The following MLIP variants were observed in gnomAD, a reference collection of about 807,000 sequenced individuals.
MLIP encodes the protein muscular LMNA interacting protein.
In MLIP, 79 loss-of-function variants were observed where a neutral mutation model predicts 84.8. The observed-to-expected ratio is 0.93, with a 90% CI of 0.78 to 1.12. MLIP has a LOEUF of 1.12. Among genes scored for constraint, MLIP ranks in the 50% most tolerant of loss-of-function variants. The probability of loss-of-function intolerance (pLI) is 0.00; values close to 1 mark genes in which losing one functional copy is unlikely to be tolerated. For missense variants in MLIP, 1,257 were observed against 1,160.6 expected (o/e 1.08, Z -1.21); for synonymous variants, 504 against 463.0 (o/e 1.09, Z -1.14).
intron 1 of MLIP, among the ~76,000 whole-genome samples, chr6:54,114,206 T>C (rs1024990216): frequency 6.6e-6 from 1 of 152,226 alleles, no homozygotes; most frequent in Non-Finnish European, 1.5e-5. Flanking sequence ...TATTTTTCTA[T>C]TTGTGTTTAC....
chr6:54,138,186 T>C lies in MLIP; in HGVS notation c.2117T>C (p.Val706Ala). 2 of 1,536,134 alleles carry C rather than the reference T, an allele frequency of 1.3e-6. No individual in the cohort carries two copies. Among genetic ancestry groups the C allele is most frequent in the Non-Finnish European group, 1.7e-6 (2 of 1,146,894 alleles). ...ACCACCCCCAACCACAGGTCACCTG[T>C]TTCAACCCCATCACTTCCCATATCT... The part of the protein sequence containing the change: ...ESTTPNHRSP[V>A]STPSLPISLT... Residue 706 changes from valine to alanine, a missense_variant, in exon 4 of 14, where the codon GTT becomes GCT. Coordinates refer to ENST00000502396, the MANE Select transcript of MLIP (RefSeq NM_001281747.2).
chr6:54,083,691 G>A (rs2150360855), intron 1 of MLIP: 6 of 1,460,820 alleles, frequency 4.1e-6, no homozygotes, highest in Non-Finnish European at 5.6e-6. Flanking sequence ...AATGATAGCT[G>A]TGTACTGTCT....
chr6:54,190,796 C>CT (rs1234496431), intron 10 of MLIP, among the ~76,000 whole-genome samples: 2,210 of 133,654 alleles, frequency 0.017, 49 homozygotes, highest in African/African-American at 0.046. Flanking sequence ...CAAAGATTTT[C>CT]TTTTTTTTTT....
In MLIP at chr6:54,136,845, T is replaced by G. The variant is rs1277745275; in HGVS notation, c.776T>G (p.Phe259Cys). Reference protein sequence around the residue: ...NLEGASVLEEFHTRRLDVGGA... With the variant: ...NLEGASVLEECHTRRLDVGGA... ...GAGGGAGCCTCTGTCCTAGAGGAGT[T>G]CCACACTAGGAGGCTGGATGTCGGT... The change falls in exon 4 of 14, where the codon TTC (phenylalanine) becomes TGC (cysteine). Residue 259 changes from phenylalanine (F) to cysteine (C), a missense_variant. Phe to Cys is a radical substitution (Grantham distance 205, BLOSUM62 -2). Transcript: ENST00000502396. 5 of 1,534,876 alleles carry G rather than the reference T, an allele frequency of 3.3e-6. No individual in the cohort carries two copies. The highest frequency in any genetic ancestry group is 3.5e-6 in the Non-Finnish European group (4 of 1,145,970).
At chr6:54,086,348 G>A (rs1297394474) in intron 1 of MLIP, among the ~76,000 whole-genome samples, 8 of 152,062 alleles carry the variant, frequency 5.3e-5, no homozygotes, top group African/African-American at 1.9e-4. Flanking sequence ...GTCCACAATT[G>A]AACAGTGGTT....
intron 2 of MLIP, 150 bp downstream of exon 2, chr6:54,121,752 T>C (rs1467823304): frequency 6.1e-6 from 4 of 655,690 alleles, no homozygotes; most frequent in Non-Finnish European, 1.0e-5. Context: ...AACAGAAGCA[T>C]AAATGTTATC....
intron 1 of MLIP, among the ~76,000 whole-genome samples, chr6:54,081,530 C>T (rs978697450): frequency 5.3e-5 from 8 of 152,142 alleles, no homozygotes; most frequent in Non-Finnish European, 1.2e-4. Flanking sequence ...GCCTCAGCCT[C>T]CCGAAGTAGC....
At chr6:54,085,229 G>A in intron 1 of MLIP, among the ~76,000 whole-genome samples, 1 of 152,274 alleles carries the variant, frequency 6.6e-6, no homozygotes, top group South Asian at 2.1e-4. Context: ...GTGGTTCCAA[G>A]TGGCACCTCT....
intron 1 of MLIP, among the ~76,000 whole-genome samples, chr6:54,050,789 C>G (rs533569966): frequency 6.6e-6 from 1 of 152,238 alleles, no homozygotes; most frequent in South Asian, 2.1e-4. Context: ...TTCCCCTACA[C>G]TCTGAGGTTT....
At chr6:54,149,246 T>C in intron 5 of MLIP, 119 bp downstream of exon 5, 1 of 872,494 alleles carries the variant, frequency 1.1e-6, no homozygotes, top group Non-Finnish European at 1.8e-6. Flanking sequence ...AAAATAACAT[T>C]CCATTCTTAG....
At chr6:54,151,605 T>C (rs1273053662) in intron 5 of MLIP, among the ~76,000 whole-genome samples, 2 of 152,110 alleles carry the variant, frequency 1.3e-5, no homozygotes, top group African/African-American at 2.4e-5. Flanking sequence ...GGTAAGGTTG[T>C]AGACTCATTA....
intron 11 of MLIP, 35 bp downstream of exon 11, chr6:54,202,268 G>T: frequency 8.9e-7 from 1 of 1,119,746 alleles, no homozygotes; most frequent in Non-Finnish European, 1.1e-6. Context: ...TTGCTATTTT[G>T]ATAAATATAA....
chr6:54,100,043 C>T (rs945091360), intron 1 of MLIP, among the ~76,000 whole-genome samples: 3 of 152,114 alleles, frequency 2.0e-5, no homozygotes, highest in African/African-American at 7.2e-5. Flanking sequence ...TACGTACACA[C>T]TTAATGTTAG....
At chr6:54,114,693 T>A (rs924704255) in intron 1 of MLIP, among the ~76,000 whole-genome samples, 1 of 152,218 alleles carries the variant, frequency 6.6e-6, no homozygotes, top group Non-Finnish European at 1.5e-5. Flanking sequence ...GTCTACTGTC[T>A]GTTTCCCTCC....
Position 54,148,738 on chromosome 6 carries a change from C to T in MLIP, c.2218-318C>T, listed in dbSNP as rs940994862. ...TCCTGTCCTCATGTATAGAATAGTA[C>T]TCCCATTAGGGAATGCTGCCAATGA... On this transcript the variant is annotated intron_variant, in intron 4 of 13. Coordinates refer to ENST00000502396, the MANE Select transcript of MLIP (RefSeq NM_001281747.2). 2.6e-5 allele frequency among the ~76,000 whole-genome samples: 4 copies of T among 152,258 alleles called. No homozygotes were observed. The East Asian group carries it at 5.8e-4, about 22-fold the overall frequency.
At chr6:54,031,988 A>T (rs1303942370) in intron 1 of MLIP, among the ~76,000 whole-genome samples, 1 of 152,150 alleles carries the variant, frequency 6.6e-6, no homozygotes, top group Non-Finnish European at 1.5e-5. Flanking sequence ...GTGTGACAGG[A>T]GGAGAATGGC....
chr6:54,207,879 A>G (rs1280118876), intron 11 of MLIP, among the ~76,000 whole-genome samples: 1 of 152,174 alleles, frequency 6.6e-6, no homozygotes, highest in Non-Finnish European at 1.5e-5. Flanking sequence ...TAATCCCAGC[A>G]CTTTGGGAGG....
At chr6:54,043,530 C>T (rs1205154534) in intron 1 of MLIP, 1 of 152,244 alleles carries the variant, frequency 6.6e-6, no homozygotes, top group Non-Finnish European at 1.5e-5. Context: ...AGCTGCTCCA[C>T]CCACAGCCTG....
At chr6:54,237,463 G>A (rs1781441702) in intron 12 of MLIP, among the ~76,000 whole-genome samples, 1 of 152,038 alleles carries the variant, frequency 6.6e-6, no homozygotes, top group Admixed American at 6.6e-5. Context: ...GACTTATATT[G>A]TATGTATCTG....
Sources: gnomAD v4.1 joint callset for allele counts (sites outside exome capture counted in the v4.1 genomes callset) on GRCh38, gnomAD v4.1.1 for gene constraint, MANE v1.5 for transcripts, NCBI Gene and HGNC (gene_info 2026-07-23, HGNC 2026-07-21) for gene names.